The following PRDM16 variants were observed in gnomAD, a reference collection of about 807,000 sequenced individuals.
PRDM16 encodes the protein PR/SET domain 16, also known as histone-lysine N-methyltransferase PRDM16.
A neutral mutation model predicts 110.6 loss-of-function variants in PRDM16; 23 were observed. The ratio of observed to expected loss-of-function variants is 0.21; its 90% CI spans 0.15 to 0.29. The LOEUF (loss-of-function observed/expected upper bound fraction) is 0.29. PRDM16 is among the 10% of genes least tolerant of loss of function. The pLI is 1.00. For missense variants in PRDM16, 1,615 were observed against 1,794.3 expected (o/e 0.90, Z 1.81); for synonymous variants, 799 against 781.8 (o/e 1.02, Z -0.37).
chr1:3,220,057 T>C (rs920982601), intron 2 of PRDM16, among the ~76,000 whole-genome samples: 3 of 152,162 alleles, frequency 2.0e-5, no homozygotes, highest in African/African-American at 7.2e-5. Context: ...AGCCCCCGAG[T>C]GGGCTCTCAG....
chr1:3,384,934 T>C (rs1643169695), intron 3 of PRDM16, among the ~76,000 whole-genome samples: 1 of 152,198 alleles, frequency 6.6e-6, no homozygotes, highest in Non-Finnish European at 1.5e-5. Context: ...ATTCCCTGCC[T>C]TTCTGCTGGG....
chr1:3,243,899 G>C lies in PRDM16; in HGVS notation c.388-188G>C, dbSNP rs551117549. On this transcript the variant is annotated intron_variant, in intron 2 of 16. Transcript: ENST00000270722. This position sits in a 1 kb window ranked among gnomAD's most constrained non-coding sequence, Gnocchi z 5.5. ...GGGCGCTTGGAGTCCTCGGTGACTG[G>C]GGGAGCCTCTGCTGGAAGAAGGGAT... Among the ~76,000 whole-genome samples, 20 of 152,236 alleles carry C rather than the reference G, an allele frequency of 1.3e-4. No individual in the cohort carries two copies. The highest frequency in any genetic ancestry group is 2.4e-4 in the Non-Finnish European group (16 of 68,014).
rs768620911 is a variant in PRDM16 at position 3,426,065 on chromosome 1, G to A, written c.3124G>A (p.Gly1042Arg). The stretch of plus-strand genomic sequence containing the variant: ...CCCCTCCGCAGTGAGCCAGCACCCC[G>A]GGGTCCTCACGAACCACCTGGGGAC... ...HENAPVSQHP[G>R]VLTNHLGTSA... Residue 1042 changes from glycine to arginine, a missense_variant, in exon 14 of 17, where the codon GGG becomes AGG. Coordinates refer to ENST00000270722, the MANE Select transcript of PRDM16 (RefSeq NM_022114.4). 80 of 1,613,356 alleles carry A rather than the reference G, an allele frequency of 5.0e-5. No homozygotes were observed. Among genetic ancestry groups the A allele is most frequent in the Middle Eastern group, 1.7e-4 (1 of 5,960 alleles).
chr1:3,285,613 G>A lies in PRDM16; in HGVS notation c.438+41476G>A, dbSNP rs541855638. Among the ~76,000 whole-genome samples, 7 of 152,312 alleles carry A rather than the reference G, an allele frequency of 4.6e-5. No individual in the cohort carries two copies. The East Asian group carries it at 1.4e-3, about 29-fold the overall frequency. ...GCTCACACCCGCGACATCCACATTG[G>A]CCGTGGTCATAGCCAGCCTGAGCCC... On this transcript the variant is annotated intron_variant, in intron 3 of 16. Transcript: ENST00000270722.
rs1206222751 is a variant in PRDM16, at chr1:3,245,647, G to A, written c.438+1510G>A. The stretch of plus-strand genomic sequence containing the variant: ...ATGCCTGAGGTCTTCCTGCACCCAC[G>A]TTTGACTGGAGCAAATGGAGCAAAT... On this transcript the variant is annotated intron_variant, in intron 3 of 16. Transcript: ENST00000270722. This position sits in a 1 kb window ranked among gnomAD's most constrained non-coding sequence, Gnocchi z 4.7. Among the ~76,000 whole-genome samples, 1 of 152,112 alleles carries A rather than the reference G, an allele frequency of 6.6e-6. No individual in the cohort carries two copies. Among genetic ancestry groups the A allele is most frequent in the East Asian group, 1.9e-4 (1 of 5,184 alleles).
At chr1:3,321,989 T>C (rs1353255038) in intron 3 of PRDM16, among the ~76,000 whole-genome samples, 1 of 151,280 alleles carries the variant, frequency 6.6e-6, no homozygotes, top group African/African-American at 2.4e-5. Context: ...TGGGGGTGCA[T>C]GTGTGTGTGA....
At chr1:3,104,072 G>T (rs1467698465) in intron 1 of PRDM16, among the ~76,000 whole-genome samples, 1 of 152,188 alleles carries the variant, frequency 6.6e-6, no homozygotes, top group African/African-American at 2.4e-5. Context: ...CCGGGTAAAG[G>T]CATGTTGATA....
At chr1:3,310,471 T>C (rs1288283897) in intron 3 of PRDM16, among the ~76,000 whole-genome samples, 1 of 152,126 alleles carries the variant, frequency 6.6e-6, no homozygotes, top group African/African-American at 2.4e-5. Flanking sequence ...GTTTCTGGCA[T>C]CACAACCCAC....
intron 1 of PRDM16, among the ~76,000 whole-genome samples, chr1:3,134,359 G>A (rs1210213273): frequency 1.3e-5 from 2 of 152,376 alleles, no homozygotes; most frequent in East Asian, 1.9e-4. Context: ...GGGACGGACA[G>A]TTGGGCAGCA....
At chr1:3,075,786 C>T (rs1055437707) in intron 1 of PRDM16, among the ~76,000 whole-genome samples, 13 of 152,220 alleles carry the variant, frequency 8.5e-5, no homozygotes, top group Admixed American at 2.0e-4. Context: ...GAAACGAACC[C>T]GGTGAGGAGG....
intron 1 of PRDM16, among the ~76,000 whole-genome samples, chr1:3,087,781 ACT>A (rs1264905304): frequency 6.6e-6 from 1 of 150,806 alleles, no homozygotes; most frequent in African/African-American, 2.4e-5. Context: ...TTCCATTTTT[ACT>A]CTTCTTTTTT....
intron 3 of PRDM16, among the ~76,000 whole-genome samples, chr1:3,319,930 G>A (rs772295094): frequency 2.0e-5 from 3 of 152,212 alleles, no homozygotes; most frequent in Non-Finnish European, 2.9e-5. Flanking sequence ...CAGCCTCTGG[G>A]GCTCACAGCT....
At chr1:3,417,013 C>T (rs186782005) in intron 10 of PRDM16, among the ~76,000 whole-genome samples, 1 of 152,228 alleles carries the variant, frequency 6.6e-6, no homozygotes, top group East Asian at 1.9e-4. Flanking sequence ...ATCAGCCCAG[C>T]CCTTCCCCTC....
chr1:3,194,151 G>T (rs1638393419), intron 2 of PRDM16, among the ~76,000 whole-genome samples: 1 of 152,232 alleles, frequency 6.6e-6, no homozygotes, highest in Admixed American at 6.5e-5. Context: ...TGAGGAACAA[G>T]GGCTCCCAAA....
intron 3 of PRDM16, among the ~76,000 whole-genome samples, chr1:3,318,763 C>A (rs568572737): frequency 6.6e-6 from 1 of 152,220 alleles, no homozygotes; most frequent in African/African-American, 2.4e-5. Context: ...CTTATCCCCC[C>A]AGCATCATCT....
intron 4 of PRDM16, chr1:3,394,628 G>C: frequency 3.0e-6 from 1 of 333,216 alleles, no homozygotes; most frequent in South Asian, 2.1e-5. Flanking sequence ...CCCAGGGCCC[G>C]GGCCAGGCCA....
At chr1:3,140,444 G>A (rs555449889) in intron 1 of PRDM16, among the ~76,000 whole-genome samples, 3 of 152,164 alleles carry the variant, frequency 2.0e-5, no homozygotes, top group African/African-American at 4.8e-5. Flanking sequence ...CAGGTGATCC[G>A]GAGCCCAAGC....
intron 1 of PRDM16, among the ~76,000 whole-genome samples, chr1:3,096,189 G>A (rs992609340): frequency 2.0e-5 from 3 of 152,094 alleles, no homozygotes; most frequent in South Asian, 2.1e-4. Flanking sequence ...CAGGAACCTC[G>A]GCTTTCCTGC....
chr1:3,121,030 G>T (rs1007697590), intron 1 of PRDM16, among the ~76,000 whole-genome samples: 3 of 152,244 alleles, frequency 2.0e-5, no homozygotes, highest in Non-Finnish European at 2.9e-5. Flanking sequence ...CTGGGACAAG[G>T]TGAGCGTGTG....
Sources: allele counts gnomAD v4.1 joint callset (sites outside exome capture counted in the v4.1 genomes callset), GRCh38; gene constraint gnomAD v4.1.1; non-coding constraint Gnocchi (gnomAD v3.1); transcripts MANE v1.5; gene names NCBI Gene and HGNC (gene_info 2026-07-23, HGNC 2026-07-21).